ARID4A: variants seen among roughly 807,000 people sequenced by gnomAD.
ARID4A encodes AT-rich interaction domain 4A.
ARID4A carries 39 observed loss-of-function variants against 148.6 expected under a neutral mutation model. The ratio of observed to expected loss-of-function variants is 0.26; its 90% CI spans 0.20 to 0.34. ARID4A has a LOEUF of 0.34. ARID4A is among the 10% of genes least tolerant of loss of function. The probability of loss-of-function intolerance (pLI) is 1.00; values close to 1 mark genes in which losing one functional copy is unlikely to be tolerated. For missense variants in ARID4A, 1,265 were observed against 1,449.1 expected (o/e 0.87, Z 2.06); for synonymous variants, 475 against 481.2 (o/e 0.99, Z 0.17).
intron 15 of ARID4A, 22 bp from the exon 16 acceptor site, chr14:58,351,051 A>G: frequency 6.4e-7 from 1 of 1,564,158 alleles, no homozygotes; most frequent in Non-Finnish European, 8.6e-7. Flanking sequence ...AGCTATTTTA[A>G]AGCTTTTATC....
chr14:58,315,951 T>C (rs1418944794), intron 5 of ARID4A, among the ~76,000 whole-genome samples: 1 of 152,222 alleles, frequency 6.6e-6, no homozygotes, highest in East Asian at 1.9e-4. Flanking sequence ...GTCTCCTGCA[T>C]GTAAAAGAAT....
intron 23 of ARID4A, among the ~76,000 whole-genome samples, chr14:58,368,682 A>AT (rs796762411): frequency 1.8e-4 from 28 of 152,096 alleles, no homozygotes; most frequent in African/African-American, 6.8e-4. Flanking sequence ...TGGGTTTTTT[A>AT]TTTTTTTCAG....
At chr14:58,299,946 C>T (rs1352411453) in intron 2 of ARID4A, 86 bp downstream of exon 2, 5 of 1,583,086 alleles carry the variant, frequency 3.2e-6, no homozygotes, top group Non-Finnish European at 3.5e-6. Context: ...ATTTGTTTTG[C>T]TACTCAAAAT....
chr14:58,317,524 C>T (rs1324044815), intron 5 of ARID4A, among the ~76,000 whole-genome samples: 2 of 151,042 alleles, frequency 1.3e-5, no homozygotes, highest in African/African-American at 4.9e-5. Flanking sequence ...CTGACCTGAC[C>T]TCGTGATCCG....
intron 5 of ARID4A, among the ~76,000 whole-genome samples, chr14:58,312,048 A>G (rs971012159): frequency 6.6e-6 from 1 of 152,138 alleles, no homozygotes; most frequent in African/African-American, 2.4e-5. Flanking sequence ...ATAACAATGT[A>G]TTGCATACTT....
At chr14:58,340,717 T>A (rs2034077455) in intron 11 of ARID4A, among the ~76,000 whole-genome samples, 1 of 152,068 alleles carries the variant, frequency 6.6e-6, no homozygotes, top group Non-Finnish European at 1.5e-5. Flanking sequence ...ACTCCTGACC[T>A]CAGGTAATCC....
At position 58,299,865 on chromosome 14, in the gene ARID4A, G is replaced by A. The variant is rs1379999824; in HGVS notation, c.6+5G>A. The A allele has an allele frequency of 1.2e-6, 2 of 1,614,126 alleles. No individual in the cohort carries two copies. Among genetic ancestry groups the A allele is most frequent in the African/African-American group, 2.7e-5 (2 of 74,940 alleles). On this transcript the variant is annotated splice_donor_5th_base_variant and intron_variant, in intron 2 of 23. Transcript: ENST00000355431. ...AGATCACCAACAAAAATGAAGGTAAGTGGAGTCAACTCTGCCCCGATCCTC... is the reference window on the plus strand; with the variant it reads ...AGATCACCAACAAAAATGAAGGTAAATGGAGTCAACTCTGCCCCGATCCTC...
At chr14:58,356,788 G>A (rs887068243) in intron 17 of ARID4A, among the ~76,000 whole-genome samples, 25 of 147,766 alleles carry the variant, frequency 1.7e-4, no homozygotes, top group African/African-American at 6.0e-4. Flanking sequence ...TGCAACCTCC[G>A]CCTCCTGGGT....
intron 3 of ARID4A, among the ~76,000 whole-genome samples, chr14:58,302,968 A>T (rs1052565712): frequency 6.6e-6 from 1 of 152,046 alleles, no homozygotes; most frequent in Non-Finnish European, 1.5e-5. Flanking sequence ...TCAAAAAAAA[A>T]ATTTTTTTTT....
At chr14:58,310,602 GA>G (rs1191375043) in intron 5 of ARID4A, among the ~76,000 whole-genome samples, 1 of 151,944 alleles carries the variant, frequency 6.6e-6, no homozygotes, top group East Asian at 1.9e-4. Flanking sequence ...CATCTCACTC[GA>G]TATACAAAAA....
chr14:58,329,873 A>C, intron 10 of ARID4A, 130 bp from the exon 11 acceptor site: 1 of 1,402,582 alleles, frequency 7.1e-7, no homozygotes, highest in Non-Finnish European at 9.6e-7. Context: ...AATATGTTAA[A>C]GCTTACTGTA....
intron 15 of ARID4A, 31 bp from the exon 16 acceptor site, chr14:58,351,042 G>A (rs772076702): frequency 1.9e-6 from 3 of 1,558,080 alleles, no homozygotes; most frequent in African/African-American, 1.4e-5. Context: ...TATAGTGATA[G>A]CTATTTTAAA....
At chr14:58,370,631 TG>T (rs1023672145) in intron 23 of ARID4A, among the ~76,000 whole-genome samples, 5 of 150,950 alleles carry the variant, frequency 3.3e-5, no homozygotes, top group East Asian at 2.0e-4. Context: ...TTTTTGTTGT[TG>T]GGGGGTACAG....
intron 22 of ARID4A, 135 bp from the exon 23 acceptor site, chr14:58,366,748 T>TA: frequency 3.3e-6 from 2 of 612,744 alleles, no homozygotes; most frequent in Non-Finnish European, 5.3e-6. Context: ...TTTTCAGTCT[T>TA]ATTCAGCTTA....
intron 16 of ARID4A, chr14:58,353,311 C>T (rs781000964): frequency 1.7e-4 from 30 of 172,470 alleles, no homozygotes; most frequent in Non-Finnish European, 2.1e-4. Flanking sequence ...TACAGATCAT[C>T]GTTAGCTGGC....
intron 13 of ARID4A, 95 bp downstream of exon 13, chr14:58,346,600 AC>A (rs890511438): frequency 1.2e-4 from 90 of 770,930 alleles, no homozygotes; most frequent in Admixed American, 9.3e-4. Flanking sequence ...GATAATAAAT[AC>A]ATTTTCTTAA....
chr14:58,301,621 C>G lies in ARID4A; in HGVS notation c.48C>G (p.Val16=), dbSNP rs768397273. The G allele has an allele frequency of 1.2e-6, 2 of 1,614,030 alleles. No homozygotes were observed. The highest frequency in any genetic ancestry group is 2.2e-5 in the South Asian group (2 of 91,046). Residue 16 remains valine (V), a synonymous_variant, in exon 3 of 24, where the codon GTC becomes GTG. Coordinates refer to ENST00000355431, the MANE Select transcript of ARID4A (RefSeq NM_002892.4). The part of the protein sequence containing the change: ...EPAYLTVGTD[V]SAKYRGAFCE... Reference sequence around the variant, plus strand: ...CCTACCTGACAGTGGGAACCGATGTCAGTGCCAAGTACCGAGGTGCCTTCT... The same window carrying G: ...CCTACCTGACAGTGGGAACCGATGTGAGTGCCAAGTACCGAGGTGCCTTCT...
chr14:58,324,044 A>G (rs2033076110), intron 8 of ARID4A, among the ~76,000 whole-genome samples: 1 of 151,572 alleles, frequency 6.6e-6, no homozygotes, highest in East Asian at 1.9e-4. Flanking sequence ...AGCTGGGACA[A>G]CAGGCGCCTG....
intron 17 of ARID4A, among the ~76,000 whole-genome samples, chr14:58,357,714 T>C (rs1475785725): frequency 6.6e-6 from 1 of 151,726 alleles, no homozygotes; most frequent in Non-Finnish European, 1.5e-5. Context: ...AGCCAAAAGA[T>C]TGGACATTCC....
Sources: allele counts gnomAD v4.1 joint callset (sites outside exome capture counted in the v4.1 genomes callset), GRCh38; gene constraint gnomAD v4.1.1; transcripts MANE v1.5; gene names NCBI Gene and HGNC (gene_info 2026-07-23, HGNC 2026-07-21).